Variants in MTMR3 observed in about 807,000 individuals in gnomAD.
MTMR3 encodes myotubularin related protein 3, also known as phosphatidylinositol-3,5-bisphosphate 3-phosphatase MTMR3.
A neutral mutation model predicts 132.4 loss-of-function variants in MTMR3; 32 were observed. That is an observed-to-expected ratio of 0.24 (90% CI 0.18 to 0.32). MTMR3 has a LOEUF of 0.32. MTMR3 is among the 10% of genes least tolerant of loss of function. The pLI, the probability that MTMR3 is intolerant of heterozygous loss-of-function variation, is 1.00. For missense variants in MTMR3, 1,216 were observed against 1,489.6 expected (o/e 0.82, Z 3.02); for synonymous variants, 556 against 550.3 (o/e 1.01, Z -0.14).
chr22:29,919,101 A>G (rs1335551560), intron 1 of MTMR3, among the ~76,000 whole-genome samples: 1 of 152,218 alleles, frequency 6.6e-6, no homozygotes, highest in African/African-American at 2.4e-5. Context: ...ATATAAAATT[A>G]TCACTCATAA....
intron 1 of MTMR3, among the ~76,000 whole-genome samples, chr22:29,922,383 CATTTATCTGTTG>C (rs2065434867): frequency 6.6e-6 from 1 of 152,146 alleles, no homozygotes; most frequent in Non-Finnish European, 1.5e-5. Flanking sequence ...TTTGTTTATC[CATTTATCTGTTG>C]ATGGACAGTT....
At chr22:30,021,793 C>A in intron 17 of MTMR3, 1 of 482,174 alleles carries the variant, frequency 2.1e-6, no homozygotes, top group African/African-American at 2.0e-5. Context: ...ACCCTGAGGG[C>A]CTGTTTTTCT....
Position 29,954,451 on chromosome 22 carries a change from A to G in MTMR3, c.-137-2585A>G, listed in dbSNP as rs34283395. Among the ~76,000 whole-genome samples, 920 of 152,098 alleles carry G rather than the reference A, an allele frequency of 6.0e-3. 19 individuals carry two copies. Among genetic ancestry groups the G allele is most frequent in the Admixed American group, 0.029 (439 of 15,264 alleles). ...ATGAGCAGTTTTTAATTTGCTCGCA[A>G]TGTTTCACAATGACACACTGTTTCT... On this transcript the variant is annotated intron_variant, in intron 1 of 19. Coordinates refer to ENST00000401950, the MANE Select transcript of MTMR3 (RefSeq NM_021090.4).
At chr22:29,977,500 T>C (rs749530784) in intron 3 of MTMR3, among the ~76,000 whole-genome samples, 2 of 152,234 alleles carry the variant, frequency 1.3e-5, no homozygotes, top group Non-Finnish European at 2.9e-5. Context: ...TTTTGTAATA[T>C]AAGGCAGAGT....
intron 3 of MTMR3, 45 bp downstream of exon 3, chr22:29,971,107 G>A: frequency 6.4e-7 from 1 of 1,564,952 alleles, no homozygotes; most frequent in African/African-American, 1.4e-5. Context: ...AAAAAACCCT[G>A]TGTCCTGACA....
chr22:29,962,989 A>T (rs1443417572), intron 2 of MTMR3, among the ~76,000 whole-genome samples: 1 of 149,148 alleles, frequency 6.7e-6, no homozygotes. Context: ...ATCTGGGCTC[A>T]CTGAAACCTC....
At position 29,938,829 on chromosome 22, in the gene MTMR3, A is replaced by AT. The variant is rs567985955; in HGVS notation, c.-137-18197dup. 3.9e-3 allele frequency among the ~76,000 whole-genome samples: 578 copies of AT among 149,490 alleles called. 2 individuals are homozygous for AT. The highest frequency in any genetic ancestry group is 9.5e-3 in the African/African-American group (390 of 40,924). ...ACATTTTCTTTACTTTTATTTTATT[A>AT]TTTTTTTTTTGAGACAGAGTCTCAC... is the stretch of plus-strand genomic sequence containing the variant. On this transcript the variant is annotated intron_variant, in intron 1 of 19. Transcript: ENST00000401950.
At chr22:29,900,633 T>A (rs1255522578) in intron 1 of MTMR3, among the ~76,000 whole-genome samples, 4 of 152,208 alleles carry the variant, frequency 2.6e-5, no homozygotes, top group African/African-American at 9.7e-5. Flanking sequence ...GGTAAAATTA[T>A]CCCAATTTTA....
chr22:29,921,871 CAG>C (rs1282705152), intron 1 of MTMR3, among the ~76,000 whole-genome samples: 3 of 141,206 alleles, frequency 2.1e-5, no homozygotes, highest in South Asian at 4.5e-4. Context: ...TTTTTTGAGA[CAG>C]AGTGTCACTC....
chr22:29,928,673 A>AG (rs1315818584), intron 1 of MTMR3, among the ~76,000 whole-genome samples: 1 of 149,392 alleles, frequency 6.7e-6, no homozygotes, highest in Admixed American at 6.6e-5. Flanking sequence ...TTTAAAAAAA[A>AG]TTTTTTTTTA....
chr22:30,005,081 A>G (rs1471139341), intron 9 of MTMR3: 2 of 152,228 alleles, frequency 1.3e-5, no homozygotes, highest in Non-Finnish European at 2.9e-5. Context: ...TGATTATTCT[A>G]AACTCCTAGT....
chr22:29,973,899 C>T (rs545710522), intron 3 of MTMR3, among the ~76,000 whole-genome samples: 1 of 152,296 alleles, frequency 6.6e-6, no homozygotes, highest in African/African-American at 2.4e-5. Context: ...GCACCCGGCC[C>T]TTCCCATGTA....
chr22:30,030,647 G>GGGGGGGGGGGTGGGGGGT lies in MTMR3; in HGVS notation c.*4847_*4848insGGGGGGGGGTGGGGGGTG, dbSNP rs749927557. On this transcript the variant is annotated 3_prime_UTR_variant, in exon 20 of 20. Transcript: ENST00000401950. ...CTCAGCGAGGAGGGGGCGGGGGGGG[G>GGGGGGGGGGGTGGGGGGT]GTCACTATTTATCTTCCAGAGGCAG... The GGGGGGGGGGGTGGGGGGT allele has an allele frequency of 1.3e-5, 1 of 76,360 alleles. No individual in the cohort carries two copies. 4.7% of individuals were successfully genotyped at this position (76,360 alleles called of 1,614,324 possible).
chr22:30,020,151 C>T lies in MTMR3; in HGVS notation c.2492C>T (p.Ser831Phe), dbSNP rs964449912. 6.2e-7 allele frequency: 1 copy of T among 1,614,218 alleles called. No homozygotes were observed. Among genetic ancestry groups the T allele is most frequent in the African/African-American group, 1.3e-5 (1 of 75,048 alleles). Residue 831 changes from serine to phenylalanine, a missense_variant, in exon 17 of 20, where the codon TCC (serine) becomes TTC (phenylalanine). By Grantham distance (155) the Ser-to-Phe change is radical. Coordinates refer to ENST00000401950, the MANE Select transcript of MTMR3 (RefSeq NM_021090.4). ...TCACAGTCATGTTCTCTGCTACCTT[C>T]CCAAGTCCCTTTTGAGACCAGAGGA... ...GTSQSCSLLP[S>F]QVPFETRGPN... is the part of the protein sequence containing the mutation.
chr22:29,923,185 G>T (rs952516086), intron 1 of MTMR3, among the ~76,000 whole-genome samples: 3 of 151,268 alleles, frequency 2.0e-5, no homozygotes, highest in Non-Finnish European at 2.9e-5. Flanking sequence ...GGGACTACAG[G>T]TGCGTGTCAC....
chr22:30,021,692 A>G (rs2067758390), intron 17 of MTMR3: 1 of 252,502 alleles, frequency 4.0e-6, no homozygotes, highest in South Asian at 8.7e-5. Context: ...ACTTAGTGGC[A>G]GGCAGGGTTG....
At chr22:29,994,908 T>G (rs1378787505) in intron 7 of MTMR3, 1 of 152,228 alleles carries the variant, frequency 6.6e-6, no homozygotes, top group Non-Finnish European at 1.5e-5. Context: ...GCCAAATTCT[T>G]GACCCTTCTC....
chr22:29,954,178 C>T (rs1296722354), intron 1 of MTMR3, among the ~76,000 whole-genome samples: 2 of 147,320 alleles, frequency 1.4e-5, no homozygotes, highest in African/African-American at 2.5e-5. Context: ...GACTCCTGGG[C>T]TCAAGCAACC....
chr22:29,944,582 T>C (rs1399623418), intron 1 of MTMR3, among the ~76,000 whole-genome samples: 1 of 152,342 alleles, frequency 6.6e-6, no homozygotes, highest in Non-Finnish European at 1.5e-5. Flanking sequence ...TCAGGACATA[T>C]GTAGCTTGGT....
Sources: gnomAD v4.1 joint callset for allele counts (sites outside exome capture counted in the v4.1 genomes callset) on GRCh38, gnomAD v4.1.1 for gene constraint, MANE v1.5 for transcripts, NCBI Gene and HGNC (gene_info 2026-07-23, HGNC 2026-07-21) for gene names.